Variants in RPL3L observed in about 807,000 individuals in gnomAD.
The protein encoded by RPL3L is ribosomal protein L3 like, also known as ribosomal protein uL3-like.
In RPL3L, 44 loss-of-function variants were observed where a neutral mutation model predicts 44.5. The observed-to-expected ratio is 0.99, with a 90% CI of 0.78 to 1.27. RPL3L has a LOEUF of 1.27. Ranked by LOEUF, RPL3L falls within the 50% of genes most tolerant of loss-of-function variation. The pLI is 0.00. For missense variants in RPL3L, 631 were observed against 569.1 expected, an observed-to-expected ratio of 1.11 and a Z score of -1.11; for synonymous variants, 292 against 230.7, an observed-to-expected ratio of 1.27 and a Z score of -2.41.
Position 1,954,597 on chromosome 16 carries a change from C to T in RPL3L, c.3+32G>A, listed in dbSNP as rs368444855. On this transcript the variant is annotated intron_variant, in intron 1 of 9. Transcript: ENST00000268661. ...CACCCCCCCAGAGTTCCAGCTCCAA[C>T]CCCAGCCCACCCTCACCCTGGTCCC... The T allele has an allele frequency of 3.9e-6, 6 of 1,519,614 alleles. No homozygotes were observed. In the East Asian group the frequency reaches 7.7e-5, roughly 20 times the overall value. 94.1% of individuals were successfully genotyped at this position (1,519,614 alleles called of 1,614,324 possible).
chr16:1,946,482 C>T (rs1199247228), intron 7 of RPL3L, 143 bp downstream of exon 7: 1 of 828,720 alleles, frequency 1.2e-6, no homozygotes, highest in African/African-American at 1.7e-5. Context: ...GGGCAAAAAT[C>T]TTGAGCCCTT....
intron 7 of RPL3L, among the ~76,000 whole-genome samples, chr16:1,946,380 T>C (rs2083120620): frequency 6.6e-6 from 1 of 152,184 alleles, no homozygotes; most frequent in African/African-American, 2.4e-5. Context: ...TATATCCAAA[T>C]GTTTTGGACA....
intron 7 of RPL3L, 31 bp downstream of exon 7, chr16:1,946,594 G>A (rs2083121857): frequency 6.2e-7 from 1 of 1,601,994 alleles, no homozygotes; most frequent in African/African-American, 1.3e-5. Context: ...GCGGTGTGAT[G>A]GGCCTGGCAG....
chr16:1,950,170 G>A (rs2083162300), intron 4 of RPL3L, among the ~76,000 whole-genome samples: 1 of 150,872 alleles, frequency 6.6e-6, no homozygotes. Flanking sequence ...GGGTATGTAT[G>A]GGGTGGGTAT....
Position 1,944,692 on chromosome 16 carries a change from G to T in RPL3L, c.*145C>A, listed in dbSNP as rs1025315100. On this transcript the variant is annotated 3_prime_UTR_variant, in exon 10 of 10. Coordinates refer to ENST00000268661, the MANE Select transcript of RPL3L (RefSeq NM_005061.3). ...TGCAATTCCCCTGTCTTAATGAATCGGCTTTGTCTAGGCAGCAGGCAAGGT... is the reference window on the plus strand; with the variant it reads ...TGCAATTCCCCTGTCTTAATGAATCTGCTTTGTCTAGGCAGCAGGCAAGGT... 1.5e-5 allele frequency: 13 copies of T among 894,166 alleles called. No individual in the cohort carries two copies. In the African/African-American group the frequency reaches 1.5e-4, roughly 10 times the overall value. The allele number at this position is 894,166 out of a possible 1,614,324, so 55.4% of individuals were successfully genotyped here.
At position 1,950,874 on chromosome 16, in the gene RPL3L, G is replaced by A; in HGVS notation, c.471C>T (p.Cys157=). The part of the protein sequence containing the change: ...QKDFAAMKKY[C]KVIRVIVHTQ... ...TGTGGACAATGACCCGAATGACCTT[G>A]CAGTACTTCTTCATGGCGGCGAAGT... Residue 157 remains cysteine, a synonymous_variant, in exon 4 of 10, where the codon TGC becomes TGT. Transcript: ENST00000268661. 1 of 1,614,074 alleles carries A rather than the reference G, an allele frequency of 6.2e-7. No homozygotes were observed. Among genetic ancestry groups the A allele is most frequent in the Non-Finnish European group, 8.5e-7 (1 of 1,179,972 alleles).
intron 3 of RPL3L, among the ~76,000 whole-genome samples, chr16:1,952,299 G>A (rs2083176446): frequency 1.3e-5 from 2 of 151,472 alleles, no homozygotes; most frequent in Admixed American, 6.6e-5. Context: ...TAACCCTGAG[G>A]ATTAGAATAT....
chr16:1,954,665 C>T lies in RPL3L; in HGVS notation c.-34G>A, dbSNP rs775334849. 34 of 1,516,714 alleles carry T rather than the reference C, an allele frequency of 2.2e-5. No homozygotes were observed. The highest frequency in any genetic ancestry group is 2.5e-5 in the South Asian group (2 of 78,528). The allele number at this position is 1,516,714 out of a possible 1,614,324, so 94.0% of individuals were successfully genotyped here. ...ATCCCTGAAGGTCAGGAAGGGGCCT[C>T]GCCGCTAGCCGCCAGAGGTCGAGTG... On this transcript the variant is annotated 5_prime_UTR_variant, in exon 1 of 10. Transcript: ENST00000268661.
intron 1 of RPL3L, 128 bp from the exon 2 acceptor site, chr16:1,954,276 CT>C (rs1312881864): frequency 9.5e-7 from 1 of 1,052,424 alleles, no homozygotes; most frequent in Non-Finnish European, 1.3e-6. Context: ...AGCACCTCCC[CT>C]GTCTGCCTAC....
At chr16:1,946,826 G>A in intron 6 of RPL3L, 100 bp from the exon 7 acceptor site, 1 of 1,569,298 alleles carries the variant, frequency 6.4e-7, no homozygotes, top group Non-Finnish European at 8.7e-7. Flanking sequence ...GTGCTGGTGG[G>A]GGCATCTTGT....
In RPL3L at chr16:1,949,682, G is replaced by A. The variant is rs2083155075; in HGVS notation, c.501+1162C>T. Among the ~76,000 whole-genome samples, 4 of 148,052 alleles carry A rather than the reference G, an allele frequency of 2.7e-5. 1 individual carries two copies. In the South Asian group the frequency reaches 8.8e-4, roughly 33 times the overall value. On this transcript the variant is annotated intron_variant, in intron 4 of 9. Transcript: ENST00000268661. ...GTGACCCATAGGTATGTATGGGGCA[G>A]GTATGTATGAGGCAGGTATGTACGG...
Position 1,946,736 on chromosome 16 carries a change from G to A in RPL3L, c.850-10C>T, listed in dbSNP as rs753314167. 1.9e-6 allele frequency: 3 copies of A among 1,611,730 alleles called. No individual in the cohort carries two copies. The highest frequency in any genetic ancestry group is 1.3e-5 in the African/African-American group (1 of 74,954). On this transcript the variant is annotated splice_polypyrimidine_tract_variant and intron_variant, in intron 6 of 9. Transcript: ENST00000268661. The stretch of plus-strand genomic sequence containing the variant: ...TGCCGATGCGGAAGATCTGCCAGAA[G>A]GGGGCACATGCCAGGGGCAGGAAGT...
rs77706564 is a variant in RPL3L, at chr16:1,948,817, G to A, written c.502-1437C>T. Among the ~76,000 whole-genome samples, 374 of 152,074 alleles carry A rather than the reference G, an allele frequency of 2.5e-3. 1 individual carries two copies. The highest frequency in any genetic ancestry group is 3.0e-3 in the Non-Finnish European group (203 of 68,006). On this transcript the variant is annotated intron_variant, in intron 4 of 9. Coordinates refer to ENST00000268661, the MANE Select transcript of RPL3L (RefSeq NM_005061.3). ...TGCAAGCTCTGCCTCCTGGGTTCAC[G>A]CCATTCTCCTACCTCAGCCTCCCGA...
chr16:1,950,239 C>T (rs1479974075), intron 4 of RPL3L, among the ~76,000 whole-genome samples: 1 of 151,928 alleles, frequency 6.6e-6, no homozygotes, highest in Non-Finnish European at 1.5e-5. Context: ...ATACCAGGCT[C>T]TTGGTGGCAG....
At chr16:1,951,729 T>TA (rs2083173274) in intron 3 of RPL3L, among the ~76,000 whole-genome samples, 4 of 55,508 alleles carry the variant, frequency 7.2e-5, no homozygotes, top group African/African-American at 3.2e-4. Context: ...AGGTGGACAT[T>TA]ATTATTATTA....
intron 2 of RPL3L, 25 bp downstream of exon 2, chr16:1,953,931 C>A: frequency 6.8e-7 from 1 of 1,478,260 alleles, no homozygotes. Flanking sequence ...CTCCCCCTCC[C>A]CCAAGGGTCC....
chr16:1,947,629 G>C (rs1295437050), intron 4 of RPL3L, among the ~76,000 whole-genome samples: 1 of 152,216 alleles, frequency 6.6e-6, no homozygotes. Context: ...GTAACTCTTG[G>C]AGAGGACAGA....
Position 1,944,642 on chromosome 16 carries a change from T to C in RPL3L, c.*195A>G, listed in dbSNP as rs914381201. ...AACTCCGGTCTCCCGCACAGCCAGCTCTGTGTGAATTACTCTTTCTCTATT... is the reference window on the plus strand; with the variant it reads ...AACTCCGGTCTCCCGCACAGCCAGCCCTGTGTGAATTACTCTTTCTCTATT... On this transcript the variant is annotated 3_prime_UTR_variant, in exon 10 of 10. Coordinates refer to ENST00000268661, the MANE Select transcript of RPL3L (RefSeq NM_005061.3). 2.4e-5 allele frequency: 15 copies of C among 623,484 alleles called. No homozygotes were observed. The highest frequency in any genetic ancestry group is 1.6e-4 in the African/African-American group (9 of 54,610). 38.6% of individuals were successfully genotyped at this position (623,484 alleles called of 1,614,324 possible). A position where few individuals can be genotyped will look rare whatever the true frequency, so the allele number is the denominator to read the frequency against.
chr16:1,954,548 G>T, intron 1 of RPL3L, 81 bp downstream of exon 1: 1 of 1,436,074 alleles, frequency 7.0e-7, no homozygotes, highest in Non-Finnish European at 9.4e-7. Flanking sequence ...CCCTCTGAGG[G>T]AGCATCCAGA....
Sources: allele counts gnomAD v4.1 joint callset (sites outside exome capture counted in the v4.1 genomes callset), GRCh38; gene constraint gnomAD v4.1.1; transcripts MANE v1.5; gene names NCBI Gene and HGNC (gene_info 2026-07-23, HGNC 2026-07-21).